EPHX1: variants seen among roughly 807,000 people sequenced by gnomAD.
The protein encoded by EPHX1 is epoxide hydrolase 1, also known as epoxide hydratase.
Under a neutral mutation model 43.2 loss-of-function variants are expected in EPHX1, and 40 were observed. The ratio of observed to expected loss-of-function variants is 0.93; its 90% CI spans 0.72 to 1.21. EPHX1 has a LOEUF of 1.21. Ranked by LOEUF, EPHX1 falls within the 50% of genes most tolerant of loss-of-function variation. The pLI is 0.00. For missense variants in EPHX1, 550 were observed against 570.4 expected, an observed-to-expected ratio of 0.96 and a Z score of 0.36; for synonymous variants, 221 against 226.7, an observed-to-expected ratio of 0.98 and a Z score of 0.22.
chr1:225,825,253 C>T (rs550160746), intron 1 of EPHX1: 18 of 152,342 alleles, frequency 1.2e-4, no homozygotes, highest in East Asian at 5.8e-4. Context: ...GAGATAACCA[C>T]GCTGTGCACA....
intron 1 of EPHX1, among the ~76,000 whole-genome samples, chr1:225,821,871 A>G (rs1327063168): frequency 6.6e-6 from 1 of 152,162 alleles, no homozygotes; most frequent in Non-Finnish European, 1.5e-5. Flanking sequence ...GCCAAAGAAC[A>G]AAGCACCTAC....
rs1666849608 is a variant in EPHX1, at chr1:225,818,924, A to AT, written c.-6+8757dup. 3.2e-5 allele frequency among the ~76,000 whole-genome samples: 3 copies of AT among 92,710 alleles called. 1 individual carries two copies. The highest frequency in any genetic ancestry group is 1.3e-4 in the African/African-American group (3 of 23,876). The allele number at this position is 92,710 out of a possible 152,430, so 60.8% of individuals were successfully genotyped here. On this transcript the variant is annotated intron_variant, in intron 1 of 8. Coordinates refer to ENST00000272167, the MANE Select transcript of EPHX1 (RefSeq NM_001136018.4). ...GGCAATATAGTGAGAACCTGTCTCC[A>AT]TTAAAAAAAAAAAAAAAAAAAAGGT...
At chr1:225,814,945 A>G (rs1039236027) in intron 1 of EPHX1, among the ~76,000 whole-genome samples, 1 of 152,242 alleles carries the variant, frequency 6.6e-6, no homozygotes, top group African/African-American at 2.4e-5. Flanking sequence ...AGGTATGGGT[A>G]TATCCTGCAG....
At position 225,845,331 on chromosome 1, in the gene EPHX1, T is replaced by G. The variant is rs1471825590; in HGVS notation, c.1352T>G (p.Val451Gly). 1.9e-6 allele frequency: 3 copies of G among 1,610,950 alleles called. No individual in the cohort carries two copies. In the South Asian group the frequency reaches 3.3e-5, roughly 18 times the overall value. ...CAGGACATCCGCAAGTTCCTGTCGG[T>G]GCTGGAGCGGCAATGACCCACCCCT... is the stretch of plus-strand genomic sequence containing the variant. ...LAQDIRKFLS[V>G]LERQ The change falls in exon 9 of 9, where the codon GTG becomes GGG. Residue 451 changes from valine (V) to glycine (G), a missense_variant. Transcript: ENST00000272167.
chr1:225,816,913 T>C (rs1666751675), intron 1 of EPHX1, among the ~76,000 whole-genome samples: 1 of 152,128 alleles, frequency 6.6e-6, no homozygotes. Flanking sequence ...AGCATGGAGG[T>C]GGAGGGAATT....
intron 2 of EPHX1, among the ~76,000 whole-genome samples, chr1:225,831,166 C>T (rs1193344148): frequency 6.6e-6 from 1 of 152,214 alleles, no homozygotes; most frequent in African/African-American, 2.4e-5. Context: ...AGAATATTTA[C>T]TATCTGGCCC....
intron 3 of EPHX1, among the ~76,000 whole-genome samples, chr1:225,837,356 G>GT (rs1668022277): frequency 6.6e-6 from 1 of 152,224 alleles, no homozygotes; most frequent in African/African-American, 2.4e-5. Context: ...TGTGAATGCC[G>GT]TAAGGCCCCA....
At chr1:225,818,482 G>A (rs769659997) in intron 1 of EPHX1, among the ~76,000 whole-genome samples, 1 of 152,176 alleles carries the variant, frequency 6.6e-6, no homozygotes, top group Non-Finnish European at 1.5e-5. Flanking sequence ...AATCTGAAAG[G>A]TGGATAGAAG....
Position 225,828,433 on chromosome 1 carries a change from C to T in EPHX1, c.-5-292C>T, listed in dbSNP as rs144207603. On this transcript the variant is annotated intron_variant, in intron 1 of 8. Coordinates refer to ENST00000272167, the MANE Select transcript of EPHX1 (RefSeq NM_001136018.4). ...GAAGCCAAACCAGGTTCCTATTTTC[C>T]CAGGATGATGAACAGTTTTCAAAGC... Among the ~76,000 whole-genome samples, 31 of 151,558 alleles carry T rather than the reference C, an allele frequency of 2.0e-4. No homozygotes were observed. The East Asian group carries it at 5.8e-3, about 28-fold the overall frequency.
At chr1:225,835,310 C>T (rs1667889113) in intron 3 of EPHX1, among the ~76,000 whole-genome samples, 1 of 151,630 alleles carries the variant, frequency 6.6e-6, no homozygotes, top group Non-Finnish European at 1.5e-5. Context: ...CCTCAATTTC[C>T]TGAGCTCAAG....
At chr1:225,839,104 C>A in intron 4 of EPHX1, 113 bp from the exon 5 acceptor site, 1 of 1,553,476 alleles carries the variant, frequency 6.4e-7, no homozygotes, top group African/African-American at 1.4e-5. Context: ...GTGAGCTTTT[C>A]TGACCTCCAC....
chr1:225,823,691 G>C lies in EPHX1; in HGVS notation c.-5-5034G>C, dbSNP rs36232354. On this transcript the variant is annotated intron_variant, in intron 1 of 8. Transcript: ENST00000272167. ...GAGGGAGGCCATGAGAGGGAGGGGA[G>C]GGTTCTCATCTGCTTAGTGCCACCC... is the stretch of plus-strand genomic sequence containing the variant. Among the ~76,000 whole-genome samples the C allele has an allele frequency of 4.6e-5, 7 of 152,316 alleles. No individual in the cohort carries two copies. In the East Asian group the frequency reaches 9.6e-4, roughly 21 times the overall value.
chr1:225,828,932 G>C lies in EPHX1; in HGVS notation c.183+20G>C. On this transcript the variant is annotated intron_variant, in intron 2 of 8. Transcript: ENST00000272167. ...ATCCACGTAAGGCACCTTGGGCCGG[G>C]CCGGGCTGGGCAGTGGAGAGGGTGG... 2.6e-6 allele frequency: 4 copies of C among 1,555,718 alleles called. No homozygotes were observed. The highest frequency in any genetic ancestry group is 1.9e-5 in the Admixed American group (1 of 51,442).
rs141221713 is a variant in EPHX1 at position 225,845,262 on chromosome 1, G to T, written c.1283G>T (p.Arg428Leu). ...PKLISYSYMVRGGHFAAFEEP... is the reference protein window; with the variant it reads ...PKLISYSYMVLGGHFAAFEEP... ...CTCATCTCCTATTCCTACATGGTTC[G>T]TGGGGGCCACTTTGCGGCCTTTGAG... The change falls in exon 9 of 9, where the codon CGT (arginine) becomes CTT (leucine). Residue 428 changes from arginine (R) to leucine (L), a missense_variant. Transcript: ENST00000272167. The T allele has an allele frequency of 6.2e-7, 1 of 1,613,836 alleles. No individual in the cohort carries two copies. The highest frequency in any genetic ancestry group is 1.7e-5 in the Admixed American group (1 of 60,028).
At chr1:225,827,078 G>A (rs1017520912) in intron 1 of EPHX1, among the ~76,000 whole-genome samples, 3 of 152,114 alleles carry the variant, frequency 2.0e-5, no homozygotes, top group African/African-American at 7.2e-5. Flanking sequence ...TTCATAGAAC[G>A]ACCCCCAGTA....
chr1:225,819,491 G>A (rs1297528933), intron 1 of EPHX1, among the ~76,000 whole-genome samples: 1 of 152,174 alleles, frequency 6.6e-6, no homozygotes, highest in Non-Finnish European at 1.5e-5. Flanking sequence ...GGACCGGGCA[G>A]GGTAGTAGTC....
intron 1 of EPHX1, among the ~76,000 whole-genome samples, chr1:225,824,058 T>C (rs1048484106): frequency 1.3e-5 from 2 of 152,102 alleles, no homozygotes; most frequent in Admixed American, 1.3e-4. Flanking sequence ...TCTCCCTGTC[T>C]CGAACTGCAG....
rs951228024 is a variant in EPHX1 at position 225,832,092 on chromosome 1, G to A, written c.364+133G>A. 36 of 971,988 alleles carry A rather than the reference G, an allele frequency of 3.7e-5. 1 individual carries two copies. Among genetic ancestry groups the A allele is most frequent in the South Asian group, 1.5e-4 (11 of 72,250 alleles). 60.2% of individuals were successfully genotyped at this position (971,988 alleles called of 1,614,324 possible). On this transcript the variant is annotated intron_variant, in intron 3 of 8. Coordinates refer to ENST00000272167, the MANE Select transcript of EPHX1 (RefSeq NM_001136018.4). ...ATAGGTGACTGAGATGTACTTATAC[G>A]TTGTAACCTTACTAAATGCAAAAAT...
intron 1 of EPHX1, among the ~76,000 whole-genome samples, chr1:225,815,714 G>C (rs2102680452): frequency 6.6e-6 from 1 of 152,256 alleles, no homozygotes; most frequent in East Asian, 1.9e-4. Flanking sequence ...CTCGGACCCT[G>C]GTCCTCGGGC....
Sources: gnomAD v4.1 joint callset for allele counts (sites outside exome capture counted in the v4.1 genomes callset) on GRCh38, gnomAD v4.1.1 for gene constraint, MANE v1.5 for transcripts, NCBI Gene and HGNC (gene_info 2026-07-23, HGNC 2026-07-21) for gene names.